FLNB: variants seen among roughly 807,000 people sequenced by gnomAD.
FLNB encodes filamin-B.
In FLNB, 111 loss-of-function variants were observed where a neutral mutation model predicts 250.6. The observed-to-expected ratio is 0.44, with a 90% CI of 0.38 to 0.52. The LOEUF (loss-of-function observed/expected upper bound fraction) is 0.52, where lower values mean the gene tolerates loss of function less well. Ranked by LOEUF, FLNB falls within the 20% of genes least tolerant of loss-of-function variation. The pLI, the probability that FLNB is intolerant of heterozygous loss-of-function variation, is 0.00. For synonymous variants in FLNB, 1,302 were observed against 1,372.1 expected (o/e 0.95, Z 1.13); for missense variants, 2,869 against 3,447.8 (o/e 0.83, Z 4.20).
chr3:58,069,478 A>T (rs112187779), intron 1 of FLNB, among the ~76,000 whole-genome samples: 9,539 of 151,836 alleles, frequency 0.063, 950 homozygotes, highest in African/African-American at 0.21. Flanking sequence ...TGACCTCAGG[A>T]GGTCCTCCTG....
intron 1 of FLNB, among the ~76,000 whole-genome samples, chr3:58,074,737 AT>A (rs1424627651): frequency 1.3e-5 from 2 of 152,078 alleles, no homozygotes; most frequent in Admixed American, 1.3e-4. Context: ...CTGTATTTTC[AT>A]TTTTCTCTGA....
chr3:58,106,628 T>C (rs1576728396), intron 11 of FLNB, 52 bp from the exon 12 acceptor site: 2 of 1,541,078 alleles, frequency 1.3e-6, no homozygotes, highest in Admixed American at 1.7e-5. Flanking sequence ...TAACATAGAA[T>C]AGGTGCTTTC....
intron 1 of FLNB, among the ~76,000 whole-genome samples, chr3:58,072,046 A>G (rs2097195362): frequency 6.6e-6 from 1 of 152,246 alleles, no homozygotes; most frequent in African/African-American, 2.4e-5. Context: ...AAAACATTCC[A>G]TCCCAGAATT....
At chr3:58,128,609 G>C (rs1437998897) in intron 24 of FLNB, among the ~76,000 whole-genome samples, 3 of 152,122 alleles carry the variant, frequency 2.0e-5, no homozygotes, top group Non-Finnish European at 2.9e-5. Context: ...AGAGAGTTGG[G>C]CACAGGAAAC....
intron 1 of FLNB, among the ~76,000 whole-genome samples, chr3:58,023,548 T>G (rs1374611255): frequency 2.0e-5 from 3 of 152,222 alleles, no homozygotes; most frequent in Non-Finnish European, 2.9e-5. Context: ...TGCTTACAGC[T>G]GCCTTTTAAT....
chr3:58,094,955 G>T lies in FLNB; in HGVS notation c.906+1G>T. ...GGACCCAGAAGGGAACAAAGAGGAG[G>T]TATGTTGGAGGATGCTGCCTCTCCT... On this transcript the variant is annotated splice_donor_variant, in intron 5 of 45. Coordinates refer to ENST00000295956, the MANE Select transcript of FLNB (RefSeq NM_001457.4). LOFTEE classifies it high-confidence loss of function. 1.9e-6 allele frequency: 3 copies of T among 1,609,364 alleles called. No homozygotes were observed. The highest frequency in any genetic ancestry group is 2.6e-6 in the Non-Finnish European group (3 of 1,175,596).
At chr3:58,027,753 A>C (rs985424882) in intron 1 of FLNB, among the ~76,000 whole-genome samples, 1 of 152,174 alleles carries the variant, frequency 6.6e-6, no homozygotes, top group Non-Finnish European at 1.5e-5. Context: ...GGCTGTCTCT[A>C]TTTCATTTTT....
chr3:58,125,248 TC>T (rs2097295791), intron 22 of FLNB, among the ~76,000 whole-genome samples: 1 of 152,158 alleles, frequency 6.6e-6, no homozygotes, highest in Non-Finnish European at 1.5e-5. Context: ...TCCTCCTGCC[TC>T]AGCCCCCTGA....
chr3:58,077,009 C>T (rs758883902), intron 1 of FLNB, 37 bp from the exon 2 acceptor site: 7 of 1,613,280 alleles, frequency 4.3e-6, no homozygotes, highest in Non-Finnish European at 4.2e-6. Flanking sequence ...ACTTGTGTAA[C>T]CCAAAGGAAT....
chr3:58,150,324 C>T lies in FLNB; in HGVS notation c.6367+97C>T, dbSNP rs77315011. The stretch of plus-strand genomic sequence containing the variant: ...CCAAGTTTAGGCATGGCCCAGAACA[C>T]AGTATCCAAGTCGGCTGTGCTGACC... On this transcript the variant is annotated intron_variant, in intron 38 of 45. Transcript: ENST00000295956. 3.9e-3 allele frequency: 5,454 copies of T among 1,407,754 alleles called. 149 individuals are homozygous for T. The African/African-American group carries it at 0.057, about 15-fold the overall frequency. The allele number at this position is 1,407,754 out of a possible 1,614,324, so 87.2% of individuals were successfully genotyped here.
At position 58,123,481 on chromosome 3, in the gene FLNB, C is replaced by T. The variant is rs758399938; in HGVS notation, c.3515C>T (p.Ser1172Leu). 6.7e-5 allele frequency: 108 copies of T among 1,604,456 alleles called. 1 individual carries two copies. The highest frequency in any genetic ancestry group is 1.7e-4 in the Middle Eastern group (1 of 6,014). Residue 1172 changes from serine (S) to leucine (L), a missense_variant, in exon 21 of 46, where the codon TCG becomes TTG. Ser to Leu is a moderately radical substitution (Grantham distance 145). Transcript: ENST00000295956. The part of the protein sequence containing the change: ...GPGALGLEAV[S>L]DSGTKAEVSI... ...GGGGCCCTGGGCCTGGAAGCTGTCTCGGACTCGGGAACAAAAGCCGAAGTC... is the reference window on the plus strand; with the variant it reads ...GGGGCCCTGGGCCTGGAAGCTGTCTTGGACTCGGGAACAAAAGCCGAAGTC...
Position 58,154,900 on chromosome 3 carries a change from C to G in FLNB, c.6744C>G (p.Cys2248Trp). 6.2e-7 allele frequency: 1 copy of G among 1,613,920 alleles called. No homozygotes were observed. Among genetic ancestry groups the G allele is most frequent in the Non-Finnish European group, 8.5e-7 (1 of 1,179,872 alleles). ...ITFDDHKNGS[C>W]GVSYIAQEPG... ...TCGATGACCATAAAAATGGGTCGTG[C>G]GGTGTATCTTATATTGCCCAAGAGC... is the stretch of plus-strand genomic sequence containing the variant. The change falls in exon 40 of 46, where the codon TGC becomes TGG. Residue 2248 changes from cysteine (C) to tryptophan (W), a missense_variant. Physicochemically the swap from Cys to Trp is radical, Grantham distance 215. Coordinates refer to ENST00000295956, the MANE Select transcript of FLNB (RefSeq NM_001457.4).
chr3:58,156,157 C>T, intron 41 of FLNB, 82 bp downstream of exon 41: 1 of 1,036,748 alleles, frequency 9.6e-7, no homozygotes, highest in Non-Finnish European at 1.5e-6. Context: ...TTCAATGTCC[C>T]CTTAGGTGCT....
intron 33 of FLNB, chr3:58,146,540 C>A (rs551302997): frequency 4.3e-6 from 2 of 463,686 alleles, no homozygotes; most frequent in South Asian, 4.2e-5. Flanking sequence ...TTGATGTACA[C>A]GGCTCCTTCC....
chr3:58,117,952 G>T (rs571543629), intron 18 of FLNB, among the ~76,000 whole-genome samples: 3 of 152,148 alleles, frequency 2.0e-5, no homozygotes, highest in African/African-American at 7.2e-5. Context: ...GGGGGAACTC[G>T]TCTCTCCCTC....
intron 1 of FLNB, among the ~76,000 whole-genome samples, chr3:58,016,112 T>A (rs2097105392): frequency 6.6e-6 from 1 of 151,724 alleles, no homozygotes; most frequent in African/African-American, 2.4e-5. Flanking sequence ...TGGAGTGCAG[T>A]ACAGTGGCAT....
intron 1 of FLNB, among the ~76,000 whole-genome samples, chr3:58,052,101 T>C (rs1312604649): frequency 6.6e-6 from 1 of 152,186 alleles, no homozygotes; most frequent in Admixed American, 6.5e-5. Flanking sequence ...TTGGCCAGGC[T>C]GGTCTTGAAC....
chr3:58,064,911 G>C (rs1005416453), intron 1 of FLNB, among the ~76,000 whole-genome samples: 1 of 152,124 alleles, frequency 6.6e-6, no homozygotes, highest in Non-Finnish European at 1.5e-5. Context: ...GTGGTGGCAG[G>C]TGTCTGTAGT....
intron 1 of FLNB, among the ~76,000 whole-genome samples, chr3:58,069,851 AATTC>A (rs776679979): frequency 3.0e-4 from 45 of 151,336 alleles, no homozygotes; most frequent in Admixed American, 4.6e-4. Flanking sequence ...ACCACCTGTT[AATTC>A]ACAAGGTACT....
Sources: gnomAD v4.1 joint callset for allele counts (sites outside exome capture counted in the v4.1 genomes callset) on GRCh38, gnomAD v4.1.1 for gene constraint, MANE v1.5 for transcripts, NCBI Gene and HGNC (gene_info 2026-07-23, HGNC 2026-07-21) for gene names.